The following DPF3 variants were observed in gnomAD, a reference collection of about 807,000 sequenced individuals.
DPF3 encodes the protein double PHD fingers 3.
In DPF3, 18 loss-of-function variants were observed where a neutral mutation model predicts 56.8. The observed-to-expected ratio is 0.32, with a 90% CI of 0.22 to 0.47. DPF3 has a LOEUF of 0.47. Ranked by LOEUF, DPF3 falls within the 20% of genes least tolerant of loss-of-function variation. The probability of loss-of-function intolerance (pLI) is 1.00; values close to 1 mark genes in which losing one functional copy is unlikely to be tolerated. For synonymous variants in DPF3, 188 were observed against 180.2 expected, an observed-to-expected ratio of 1.04 and a Z score of -0.35; for missense variants, 403 against 488.8, an observed-to-expected ratio of 0.82 and a Z score of 1.65.
chr14:72,846,225 C>T (rs951454224), intron 1 of DPF3, among the ~76,000 whole-genome samples: 1 of 151,474 alleles, frequency 6.6e-6, no homozygotes, highest in African/African-American at 2.4e-5. Context: ...ATTCTCATGT[C>T]TCAGCCTCCC....
chr14:72,732,339 G>A (rs568226895), intron 3 of DPF3, among the ~76,000 whole-genome samples: 2 of 152,286 alleles, frequency 1.3e-5, no homozygotes, highest in South Asian at 2.1e-4. Context: ...GTTCATTTGC[G>A]GGAAAGTGTT....
chr14:72,861,689 A>C (rs1332753816), intron 1 of DPF3, among the ~76,000 whole-genome samples: 1 of 148,250 alleles, frequency 6.7e-6, no homozygotes, highest in Non-Finnish European at 1.5e-5. Context: ...GAGAGAAAGA[A>C]AAGAAAGAAA....
chr14:72,859,269 T>C (rs915985960), intron 1 of DPF3, among the ~76,000 whole-genome samples: 3 of 152,102 alleles, frequency 2.0e-5, no homozygotes, highest in African/African-American at 7.2e-5. Flanking sequence ...GTGTTCACGA[T>C]ACTACATAGG....
chr14:72,629,857 G>A, intron 8 of DPF3, 121 bp from the exon 9 acceptor site: 1 of 789,210 alleles, frequency 1.3e-6, no homozygotes, highest in Admixed American at 2.3e-5. Context: ...ATGACGTAGG[G>A]AAAAAAATGG....
chr14:72,622,312 G>T (rs1884503774), intron 9 of DPF3, among the ~76,000 whole-genome samples: 1 of 152,138 alleles, frequency 6.6e-6, no homozygotes, highest in Non-Finnish European at 1.5e-5. Flanking sequence ...GAGAAAAAAA[G>T]ACTGAAAAGG....
intron 8 of DPF3, among the ~76,000 whole-genome samples, chr14:72,650,005 G>C (rs1397823012): frequency 6.6e-6 from 1 of 152,212 alleles, no homozygotes; most frequent in Non-Finnish European, 1.5e-5. Context: ...AAACTCCAGA[G>C]AGCACTGGGC....
chr14:72,729,441 T>C (rs1379887115), intron 4 of DPF3, among the ~76,000 whole-genome samples: 4 of 150,606 alleles, frequency 2.7e-5, no homozygotes, highest in Admixed American at 6.6e-5. Context: ...AGAGGAAGAG[T>C]GGAGTCAGAG....
At chr14:72,778,605 G>A (rs146531430) in intron 1 of DPF3, among the ~76,000 whole-genome samples, 177 of 152,180 alleles carry the variant, frequency 1.2e-3, no homozygotes, top group East Asian at 3.7e-3. Context: ...TCCCCTCCCC[G>A]ACCCCAGTCG....
chr14:72,652,257 A>C (rs1291314025), intron 8 of DPF3, among the ~76,000 whole-genome samples: 1 of 152,184 alleles, frequency 6.6e-6, no homozygotes, highest in Non-Finnish European at 1.5e-5. Flanking sequence ...AACAAGACAG[A>C]GGGCCCTTCC....
intron 8 of DPF3, among the ~76,000 whole-genome samples, chr14:72,659,324 TTTTTCA>T (rs1247630900): frequency 2.6e-5 from 4 of 151,344 alleles, no homozygotes. Flanking sequence ...TCTTTCTCTC[TTTTTCA>T]TTCTCTGGCC....
chr14:72,794,653 T>C (rs1236185668), intron 1 of DPF3, among the ~76,000 whole-genome samples: 1 of 152,178 alleles, frequency 6.6e-6, no homozygotes, highest in African/African-American at 2.4e-5. Flanking sequence ...GTTGGAACTT[T>C]GGGATATTCC....
rs145673516 is a variant in DPF3, at chr14:72,709,122, C to G, written c.604+5301G>C. Among the ~76,000 whole-genome samples, 1,038 of 152,352 alleles carry G rather than the reference C, an allele frequency of 6.8e-3. 20 individuals carry two copies. Among genetic ancestry groups the G allele is most frequent in the African/African-American group, 0.024 (998 of 41,568 alleles). Reference sequence around the variant, plus strand: ...ACCCTAGACCCTATTCTGATACTACCCCCACTGGGTGTGGCAACACACTCC... The same window carrying G: ...ACCCTAGACCCTATTCTGATACTACGCCCACTGGGTGTGGCAACACACTCC... On this transcript the variant is annotated intron_variant, in intron 6 of 10. Transcript: ENST00000556509.
Position 72,714,470 on chromosome 14 carries a change from T to G in DPF3, c.557A>C (p.His186Pro). The G allele has an allele frequency of 6.2e-7, 1 of 1,613,820 alleles. No homozygotes were observed. Among genetic ancestry groups the G allele is most frequent in the South Asian group, 1.1e-5 (1 of 91,076 alleles). The change falls in exon 6 of 11, where the codon CAC becomes CCC. Residue 186 changes from histidine to proline, a missense_variant. His to Pro is a moderately conservative substitution (Grantham distance 77). Around this residue, in one of 2 missense-constraint regions of DPF3, gnomAD observed 340 missense variants for 374.3 expected, o/e 0.91. Transcript: ENST00000556509. ...ARGSAGGRRR[H>P]DAASQEDHDK... The stretch of plus-strand genomic sequence containing the variant: ...GTGGTCTTCCTGAGAGGCGGCGTCG[T>G]GCCTCCTCCTGCCCCCTGCAGAGCC...
intron 1 of DPF3, among the ~76,000 whole-genome samples, chr14:72,875,449 T>G (rs772919188): frequency 1.3e-5 from 2 of 152,152 alleles, no homozygotes; most frequent in Non-Finnish European, 2.9e-5. Context: ...GCACTTTACA[T>G]ACATTAACTT....
At chr14:72,743,111 C>CCA (rs1890195338) in intron 3 of DPF3, among the ~76,000 whole-genome samples, 1 of 152,092 alleles carries the variant, frequency 6.6e-6, no homozygotes, top group African/African-American at 2.4e-5. Flanking sequence ...TGAAGGACTG[C>CCA]CAAAAACAGA....
intron 6 of DPF3, among the ~76,000 whole-genome samples, chr14:72,693,761 A>C (rs1207680766): frequency 6.6e-6 from 1 of 152,190 alleles, no homozygotes; most frequent in Non-Finnish European, 1.5e-5. Context: ...GAGCCACCAG[A>C]ACCCATGTCT....
chr14:72,711,086 T>G (rs1888633899), intron 6 of DPF3, among the ~76,000 whole-genome samples: 1 of 152,236 alleles, frequency 6.6e-6, no homozygotes, highest in African/African-American at 2.4e-5. Context: ...CAGGAATGCA[T>G]TCCAGGAAGG....
intron 1 of DPF3, among the ~76,000 whole-genome samples, chr14:72,801,728 T>C (rs1238656155): frequency 5.3e-5 from 8 of 152,178 alleles, no homozygotes; most frequent in Non-Finnish European, 1.2e-4. Flanking sequence ...AATAGCCCCA[T>C]ACTAAATGGT....
At chr14:72,748,950 G>A (rs1016969819) in intron 3 of DPF3, among the ~76,000 whole-genome samples, 1 of 152,254 alleles carries the variant, frequency 6.6e-6, no homozygotes, top group Non-Finnish European at 1.5e-5. Flanking sequence ...CCTCTGCTAG[G>A]CAGTGTGAAA....
Sources: gnomAD v4.1 joint callset for allele counts (sites outside exome capture counted in the v4.1 genomes callset) on GRCh38, gnomAD v4.1.1 for gene constraint, gnomAD v4.1.1 regional missense constraint, MANE v1.5 for transcripts, NCBI Gene and HGNC (gene_info 2026-07-23, HGNC 2026-07-21) for gene names.